The following CDKAL1 variants were observed in gnomAD, a reference collection of about 807,000 sequenced individuals.
CDKAL1 encodes the protein threonylcarbamoyladenosine tRNA methylthiotransferase.
A neutral mutation model predicts 68.2 loss-of-function variants in CDKAL1; 32 were observed. The observed-to-expected ratio is 0.47, with a 90% confidence interval of 0.35 to 0.63. CDKAL1 has a LOEUF of 0.63. Among genes scored for constraint, CDKAL1 ranks in the 30% least tolerant of loss-of-function variants. The pLI, the probability that CDKAL1 is intolerant of heterozygous loss-of-function variation, is 0.00. For missense variants in CDKAL1, 606 were observed against 696.7 expected (o/e 0.87, Z 1.47); for synonymous variants, 234 against 244.3 (o/e 0.96, Z 0.39).
intron 8 of CDKAL1, among the ~76,000 whole-genome samples, chr6:20,825,556 T>C (rs1777468853): frequency 6.6e-6 from 1 of 152,114 alleles, no homozygotes; most frequent in Admixed American, 6.6e-5. Flanking sequence ...TTTTGTACTT[T>C]ATTTGTTAAG....
intron 12 of CDKAL1, among the ~76,000 whole-genome samples, chr6:21,074,591 A>G (rs936072566): frequency 6.6e-6 from 1 of 152,146 alleles, no homozygotes; most frequent in African/African-American, 2.4e-5. Context: ...AAAAGAAGCA[A>G]AAATGGTGAA....
intron 5 of CDKAL1, among the ~76,000 whole-genome samples, chr6:20,665,774 A>G (rs1345142655): frequency 6.6e-6 from 1 of 152,042 alleles, no homozygotes; most frequent in Non-Finnish European, 1.5e-5. Flanking sequence ...GAGCTACTAT[A>G]TGTAAAATGG....
chr6:21,190,215 G>A (rs964662655), intron 13 of CDKAL1, among the ~76,000 whole-genome samples: 1 of 152,002 alleles, frequency 6.6e-6, no homozygotes, highest in African/African-American at 2.4e-5. Context: ...CAGTCAGGTC[G>A]AAAAATTGTA....
At chr6:21,015,529 T>C (rs1768274787) in intron 11 of CDKAL1, among the ~76,000 whole-genome samples, 1 of 152,240 alleles carries the variant, frequency 6.6e-6, no homozygotes, top group Non-Finnish European at 1.5e-5. Context: ...TTGAGTTTTT[T>C]TCTTGAAAAA....
chr6:21,050,298 G>A (rs1312043616), intron 11 of CDKAL1, among the ~76,000 whole-genome samples: 5 of 152,140 alleles, frequency 3.3e-5, no homozygotes, highest in African/African-American at 1.2e-4. Flanking sequence ...CTTGCAAACC[G>A]GGGACCTCTG....
intron 13 of CDKAL1, among the ~76,000 whole-genome samples, chr6:21,185,294 A>G (rs1421968764): frequency 6.6e-6 from 1 of 152,010 alleles, no homozygotes; most frequent in Non-Finnish European, 1.5e-5. Context: ...AATATAGCTC[A>G]GAATTGAAAA....
intron 15 of CDKAL1, among the ~76,000 whole-genome samples, chr6:21,202,431 G>A (rs1778729400): frequency 6.6e-6 from 1 of 152,110 alleles, no homozygotes; most frequent in Non-Finnish European, 1.5e-5. Flanking sequence ...GGATAGTATG[G>A]GTGGCCAGGA....
At chr6:20,737,431 T>G (rs940953391) in intron 5 of CDKAL1, among the ~76,000 whole-genome samples, 1 of 152,276 alleles carries the variant, frequency 6.6e-6, no homozygotes, top group Non-Finnish European at 1.5e-5. Context: ...GTCTTAGATA[T>G]GCTTAATAAG....
intron 5 of CDKAL1, among the ~76,000 whole-genome samples, chr6:20,661,917 A>G (rs536208350): frequency 2.0e-5 from 3 of 152,166 alleles, no homozygotes; most frequent in South Asian, 4.1e-4. Flanking sequence ...TGTCCTAACA[A>G]CTCTGTAGGT....
At chr6:20,788,735 C>T (rs1212404476) in intron 8 of CDKAL1, among the ~76,000 whole-genome samples, 1 of 152,198 alleles carries the variant, frequency 6.6e-6, no homozygotes, top group Non-Finnish European at 1.5e-5. Flanking sequence ...GAGACCCCTT[C>T]TACCCTTGAT....
At chr6:20,676,997 A>T (rs998666828) in intron 5 of CDKAL1, among the ~76,000 whole-genome samples, 1 of 152,166 alleles carries the variant, frequency 6.6e-6, no homozygotes, top group African/African-American at 2.4e-5. Context: ...AAGTCTGCAA[A>T]AGTGACCTCT....
At chr6:21,138,658 G>C (rs916116914) in intron 13 of CDKAL1, among the ~76,000 whole-genome samples, 1 of 151,772 alleles carries the variant, frequency 6.6e-6, no homozygotes, top group Non-Finnish European at 1.5e-5. Context: ...ATAATTTCTT[G>C]GATAATATGT....
intron 4 of CDKAL1, among the ~76,000 whole-genome samples, chr6:20,635,519 A>G (rs985427804): frequency 6.6e-6 from 1 of 152,094 alleles, no homozygotes; most frequent in Non-Finnish European, 1.5e-5. Context: ...GAATATTTGC[A>G]TTATACACTT....
At chr6:21,072,242 T>C (rs947777656) in intron 12 of CDKAL1, among the ~76,000 whole-genome samples, 3 of 152,230 alleles carry the variant, frequency 2.0e-5, no homozygotes, top group African/African-American at 7.2e-5. Flanking sequence ...AGGCACTACT[T>C]AACATTGATA....
chr6:20,884,070 T>C (rs1561856259), intron 9 of CDKAL1, among the ~76,000 whole-genome samples: 1 of 152,192 alleles, frequency 6.6e-6, no homozygotes, highest in East Asian at 1.9e-4. Flanking sequence ...GATGCAAAAA[T>C]ATTAACAAAT....
At chr6:20,563,015 T>C (rs1200697260) in intron 4 of CDKAL1, among the ~76,000 whole-genome samples, 2 of 152,200 alleles carry the variant, frequency 1.3e-5, no homozygotes, top group Non-Finnish European at 2.9e-5. Context: ...CAGCAGTGTT[T>C]TCAGTAGCCT....
At chr6:21,172,456 G>A (rs769345724) in intron 13 of CDKAL1, among the ~76,000 whole-genome samples, 9 of 152,136 alleles carry the variant, frequency 5.9e-5, no homozygotes, top group Non-Finnish European at 1.0e-4. Context: ...TTGAAAGTTT[G>A]AAAGCTTTCT....
At chr6:21,227,312 T>C (rs181155659) in intron 15 of CDKAL1, among the ~76,000 whole-genome samples, 1 of 152,364 alleles carries the variant, frequency 6.6e-6, no homozygotes, top group East Asian at 1.9e-4. Flanking sequence ...CTTTATAAGA[T>C]CTCATATTTC....
chr6:20,720,413 T>C (rs1190072613), intron 5 of CDKAL1, among the ~76,000 whole-genome samples: 1 of 152,202 alleles, frequency 6.6e-6, no homozygotes, highest in Non-Finnish European at 1.5e-5. Context: ...CTTCCTACTC[T>C]GCTATCAAAT....
Sources: gnomAD v4.1 joint callset for allele counts (sites outside exome capture counted in the v4.1 genomes callset) on GRCh38, gnomAD v4.1.1 for gene constraint, MANE v1.5 for transcripts, NCBI Gene and HGNC (gene_info 2026-07-23, HGNC 2026-07-21) for gene names.